CDH4: variants seen among roughly 807,000 people sequenced by gnomAD.
CDH4 encodes the protein cadherin-4.
A neutral mutation model predicts 86.0 loss-of-function variants in CDH4; 33 were observed. That is an observed-to-expected ratio of 0.38 (90% CI 0.29 to 0.51). CDH4 has a LOEUF of 0.51. Among genes scored for constraint, CDH4 ranks in the 20% least tolerant of loss-of-function variants. The probability of loss-of-function intolerance (pLI) is 0.86; values close to 1 mark genes in which losing one functional copy is unlikely to be tolerated. For missense variants in CDH4, 1,114 were observed against 1,307.4 expected (o/e 0.85, Z 2.28); for synonymous variants, 555 against 549.4 (o/e 1.01, Z -0.14).
chr20:61,673,513 T>A (rs1433862196), intron 2 of CDH4, among the ~76,000 whole-genome samples: 16 of 152,226 alleles, frequency 1.1e-4, no homozygotes, highest in Non-Finnish European at 2.9e-5. Flanking sequence ...GTTTTCACCT[T>A]AGATGAAATG....
At chr20:61,343,616 C>T (rs1449481755) in intron 2 of CDH4, among the ~76,000 whole-genome samples, 5 of 152,156 alleles carry the variant, frequency 3.3e-5, no homozygotes, top group Admixed American at 6.5e-5. Context: ...GTTGTGCTTG[C>T]GGTAACAAAT....
chr20:61,432,164 C>G (rs1398935778), intron 2 of CDH4, among the ~76,000 whole-genome samples: 1 of 152,192 alleles, frequency 6.6e-6, no homozygotes, highest in Non-Finnish European at 1.5e-5. Context: ...AAGGGAGTAG[C>G]TAGGCTATAT....
Position 61,936,912 on chromosome 20 carries a change from C to T in CDH4, c.2720C>T (p.Ala907Val), listed in dbSNP as rs766919088. 10 of 1,598,130 alleles carry T rather than the reference C, an allele frequency of 6.3e-6. No individual in the cohort carries two copies. Among genetic ancestry groups the T allele is most frequent in the Admixed American group, 3.4e-5 (2 of 58,318 alleles). ...NDWGPRFKKL[A>V]DMYGGGEED The stretch of plus-strand genomic sequence containing the variant: ...TGGGGGCCCAGATTCAAGAAGCTGG[C>T]GGACATGTATGGAGGTGGTGAAGAG... Residue 907 changes from alanine (A) to valine (V), a missense_variant, in exon 16 of 16, where the codon GCG (alanine) becomes GTG (valine). By Grantham distance (64) the Ala-to-Val change is moderately conservative. Around this residue, in one of 3 missense-constraint regions of CDH4, gnomAD observed 188 missense variants for 183.8 expected, o/e 1.02. Coordinates refer to ENST00000614565, the MANE Select transcript of CDH4 (RefSeq NM_001794.5).
chr20:61,538,338 C>T (rs6061621), intron 2 of CDH4, among the ~76,000 whole-genome samples: 47,546 of 152,100 alleles, frequency 0.31, 11,878 homozygotes, highest in African/African-American at 0.69. Flanking sequence ...GGGGCTGGTG[C>T]ACCAGAGATT....
chr20:61,364,368 C>A (rs1393685419), intron 2 of CDH4, among the ~76,000 whole-genome samples: 1 of 152,202 alleles, frequency 6.6e-6, no homozygotes, highest in African/African-American at 2.4e-5. Context: ...TCCCTGGGGG[C>A]TCCTCACACC....
At chr20:61,371,624 T>C (rs964934484) in intron 2 of CDH4, among the ~76,000 whole-genome samples, 1 of 152,220 alleles carries the variant, frequency 6.6e-6, no homozygotes, top group African/African-American at 2.4e-5. Context: ...GGCAGGCCTC[T>C]GCTGCGGGCC....
At chr20:61,641,874 T>C (rs368949083) in intron 2 of CDH4, among the ~76,000 whole-genome samples, 3 of 5,918 alleles carry the variant, frequency 5.1e-4, no homozygotes, top group Non-Finnish European at 9.5e-4. Flanking sequence ...CAGATGGGGC[T>C]GCCTGACCCA....
In CDH4 at chr20:61,629,088, G is replaced by A. The variant is rs1355434389; in HGVS notation, c.170-114475G>A. On this transcript the variant is annotated intron_variant, in intron 2 of 15. Coordinates refer to ENST00000614565, the MANE Select transcript of CDH4 (RefSeq NM_001794.5). ...CACAGGCAGGCAGGAGCTTGGCCACGCAGGTTCAGCTGCAGTCCCCAGAGC... is the reference window on the plus strand; with the variant it reads ...CACAGGCAGGCAGGAGCTTGGCCACACAGGTTCAGCTGCAGTCCCCAGAGC... 4.6e-5 allele frequency among the ~76,000 whole-genome samples: 7 copies of A among 152,258 alleles called. No homozygotes were observed. In the East Asian group the frequency reaches 5.8e-4, roughly 13 times the overall value.
At chr20:61,752,620 C>T (rs1051790579) in intron 3 of CDH4, among the ~76,000 whole-genome samples, 8 of 152,222 alleles carry the variant, frequency 5.3e-5, no homozygotes, top group Admixed American at 2.0e-4. Context: ...GGAAACAACA[C>T]ACATGCCCTC....
chr20:61,756,855 A>G (rs2088571136), intron 3 of CDH4, among the ~76,000 whole-genome samples: 1 of 152,160 alleles, frequency 6.6e-6, no homozygotes, highest in African/African-American at 2.4e-5. Flanking sequence ...TTTCTGCAGA[A>G]GGCATATCTG....
chr20:61,624,785 A>C lies in CDH4; in HGVS notation c.170-118778A>C, dbSNP rs543526909. On this transcript the variant is annotated intron_variant, in intron 2 of 15. Coordinates refer to ENST00000614565, the MANE Select transcript of CDH4 (RefSeq NM_001794.5). ...GCAGGGCATGTTTGCAGAAGGAAGA[A>C]GAGTCGGGGCATTCTGAGCTCTAGG... 4.6e-5 allele frequency among the ~76,000 whole-genome samples: 7 copies of C among 152,342 alleles called. No individual in the cohort carries two copies. The South Asian group carries it at 1.5e-3, about 32-fold the overall frequency.
chr20:61,397,748 C>T (rs903667509), intron 2 of CDH4, among the ~76,000 whole-genome samples: 10 of 152,150 alleles, frequency 6.6e-5, no homozygotes, highest in Non-Finnish European at 1.5e-4. Context: ...ACTGAGTTAT[C>T]GGTGCAAGGT....
chr20:61,424,584 C>T (rs1367768632), intron 2 of CDH4, among the ~76,000 whole-genome samples: 1 of 152,200 alleles, frequency 6.6e-6, no homozygotes, highest in African/African-American at 2.4e-5. Context: ...CTCCCATGGC[C>T]CTTGTCTCCT....
intron 2 of CDH4, among the ~76,000 whole-genome samples, chr20:61,444,588 T>A (rs1248084284): frequency 6.6e-6 from 1 of 152,006 alleles, no homozygotes; most frequent in Non-Finnish European, 1.5e-5. Flanking sequence ...TGTGTGTATA[T>A]CTGTGTGTAT....
intron 4 of CDH4, among the ~76,000 whole-genome samples, chr20:61,827,604 C>T (rs1452060467): frequency 6.6e-6 from 1 of 152,184 alleles, no homozygotes; most frequent in Non-Finnish European, 1.5e-5. Flanking sequence ...TAGCTCTATC[C>T]ATTATAGAGA....
At chr20:61,580,144 A>G (rs147475343) in intron 2 of CDH4, among the ~76,000 whole-genome samples, 1 of 151,724 alleles carries the variant, frequency 6.6e-6, no homozygotes, top group African/African-American at 2.4e-5. Flanking sequence ...AGGAATCTGT[A>G]TAAAGTCAAG....
At chr20:61,499,164 G>C (rs2145597722) in intron 2 of CDH4, among the ~76,000 whole-genome samples, 1 of 152,336 alleles carries the variant, frequency 6.6e-6, no homozygotes, top group South Asian at 2.1e-4. Flanking sequence ...TGGAGGTCAG[G>C]CTGCCTGTGG....
intron 7 of CDH4, among the ~76,000 whole-genome samples, chr20:61,884,052 C>T (rs577942004): frequency 9.2e-4 from 138 of 150,712 alleles, no homozygotes; most frequent in African/African-American, 3.2e-3. Context: ...AACTGGGACT[C>T]GCTGCCTGGA....
At chr20:61,305,989 G>T (rs764392826) in intron 2 of CDH4, among the ~76,000 whole-genome samples, 4 of 152,174 alleles carry the variant, frequency 2.6e-5, no homozygotes, top group East Asian at 1.9e-4. Context: ...TTGACCTTTT[G>T]TCTAGGCCTT....
Sources: allele counts gnomAD v4.1 joint callset (sites outside exome capture counted in the v4.1 genomes callset), GRCh38; gene constraint gnomAD v4.1.1; regional missense constraint gnomAD v4.1.1; transcripts MANE v1.5; gene names NCBI Gene and HGNC (gene_info 2026-07-23, HGNC 2026-07-21).